Variants in SVEP1 observed in about 807,000 individuals in gnomAD.
The protein encoded by SVEP1 is sushi, von Willebrand factor type A, EGF and pentraxin domain-containing protein 1.
A neutral mutation model predicts 367.3 loss-of-function variants in SVEP1; 164 were observed. The ratio of observed to expected loss-of-function variants is 0.45; its 90% confidence interval spans 0.39 to 0.51. The LOEUF (loss-of-function observed/expected upper bound fraction) is 0.51. Among genes scored for constraint, SVEP1 ranks in the 20% least tolerant of loss-of-function variants. SVEP1 has a pLI of 0.00. For missense variants in SVEP1, 4,117 were observed against 4,425.3 expected, an observed-to-expected ratio of 0.93 and a Z score of 1.98; for synonymous variants, 1,666 against 1,611.6, an observed-to-expected ratio of 1.03 and a Z score of -0.81.
chr9:110,367,684 G>C (rs1827220111), intron 47 of SVEP1, among the ~76,000 whole-genome samples: 1 of 149,718 alleles, frequency 6.7e-6, no homozygotes, highest in African/African-American at 2.5e-5. Flanking sequence ...TTCATGCTTG[G>C]CCATTGAATC....
chr9:110,485,392 T>A (rs910656275), intron 9 of SVEP1, among the ~76,000 whole-genome samples: 1 of 151,702 alleles, frequency 6.6e-6, no homozygotes. Flanking sequence ...TGAGAACACA[T>A]GGAAACAGGG....
chr9:110,427,845 G>A, intron 35 of SVEP1, 87 bp from the exon 36 acceptor site: 3 of 1,444,942 alleles, frequency 2.1e-6, no homozygotes, highest in Middle Eastern at 1.8e-4. Flanking sequence ...AGAAAATAAG[G>A]GACATTTGAG....
chr9:110,536,313 CA>C (rs1378682882), intron 3 of SVEP1, among the ~76,000 whole-genome samples: 1 of 151,870 alleles, frequency 6.6e-6, no homozygotes, highest in Non-Finnish European at 1.5e-5. Context: ...TACTTGGTCA[CA>C]GTGAACTCTA....
intron 5 of SVEP1, among the ~76,000 whole-genome samples, chr9:110,503,692 A>AGCTACC (rs1829576264): frequency 6.6e-6 from 1 of 152,228 alleles, no homozygotes. Flanking sequence ...GCCTCTGCAA[A>AGCTACC]GCTACCCAAC....
chr9:110,515,924 G>A (rs1395501962), intron 3 of SVEP1, among the ~76,000 whole-genome samples: 1 of 151,802 alleles, frequency 6.6e-6, no homozygotes, highest in African/African-American at 2.4e-5. Flanking sequence ...ATTTGCAGAT[G>A]GGAAGACAAA....
chr9:110,579,138 G>T lies in SVEP1; in HGVS notation c.406C>A (p.Arg136Ser). Residue 136 changes from arginine to serine, a missense_variant, in exon 1 of 48, where the codon CGC becomes AGC. Transcript: ENST00000374469. This position sits in a 1 kb window ranked among gnomAD's most constrained non-coding sequence, Gnocchi z 5.3. ...TFSSKNYVVPRVDYISTRRAR... is the reference protein window; with the variant it reads ...TFSSKNYVVPSVDYISTRRAR... ...CGGCGGGTGGAGATGTAATCGACGC[G>T]CGGCACCACGTAGTTCTTGGACGAG... 1 of 1,556,400 alleles carries T rather than the reference G, an allele frequency of 6.4e-7. No homozygotes were observed. Among genetic ancestry groups the T allele is most frequent in the Non-Finnish European group, 8.7e-7 (1 of 1,150,612 alleles).
chr9:110,517,981 T>C (rs1472935827), intron 3 of SVEP1, among the ~76,000 whole-genome samples: 1 of 152,070 alleles, frequency 6.6e-6, no homozygotes, highest in African/African-American at 2.4e-5. Context: ...ATATTTAATA[T>C]ATGAGACTTG....
rs146355076 is a variant in SVEP1, at chr9:110,542,359, C to T, written c.964+3756G>A. 4.7e-4 allele frequency among the ~76,000 whole-genome samples: 71 copies of T among 152,266 alleles called. No homozygotes were observed. The Middle Eastern group carries it at 0.01, about 22-fold the overall frequency. On this transcript the variant is annotated intron_variant, in intron 3 of 47. Coordinates refer to ENST00000374469, the MANE Select transcript of SVEP1 (RefSeq NM_153366.4). ...GAATGAGGGGTTTAGAGCAGATAATCTCTAGGGTTACTTCTGGATCTAAAA... is the reference window on the plus strand; with the variant it reads ...GAATGAGGGGTTTAGAGCAGATAATTTCTAGGGTTACTTCTGGATCTAAAA...
At chr9:110,397,954 G>A (rs529006833) in intron 40 of SVEP1, among the ~76,000 whole-genome samples, 1 of 149,812 alleles carries the variant, frequency 6.7e-6, no homozygotes, top group African/African-American at 2.4e-5. Context: ...TCCCCATCGA[G>A]CAACCAATGA....
At chr9:110,444,153 A>G (rs1828555767) in intron 26 of SVEP1, among the ~76,000 whole-genome samples, 1 of 152,222 alleles carries the variant, frequency 6.6e-6, no homozygotes, top group Admixed American at 6.5e-5. Context: ...TACTTCATCA[A>G]ACAAACAATT....
chr9:110,527,581 T>C (rs1564167921), intron 3 of SVEP1, among the ~76,000 whole-genome samples: 1 of 152,100 alleles, frequency 6.6e-6, no homozygotes, highest in Non-Finnish European at 1.5e-5. Flanking sequence ...TTGCCAATAC[T>C]ATGGCTCAGA....
At chr9:110,482,313 C>T in intron 11 of SVEP1, 48 bp downstream of exon 11, 1 of 1,587,292 alleles carries the variant, frequency 6.3e-7, no homozygotes, top group Non-Finnish European at 8.6e-7. Context: ...ATAGCAATGA[C>T]ATGTGTCAAA....
chr9:110,423,139 A>AAAAAAAAT (rs1439451038), intron 36 of SVEP1, among the ~76,000 whole-genome samples: 1 of 141,786 alleles, frequency 7.1e-6, no homozygotes, highest in Non-Finnish European at 1.5e-5. Flanking sequence ...ATAATAATAA[A>AAAAAAAAT]AAAAAAATAA....
At chr9:110,378,228 T>G (rs1827382522) in intron 44 of SVEP1, among the ~76,000 whole-genome samples, 1 of 152,208 alleles carries the variant, frequency 6.6e-6, no homozygotes. Context: ...ATTCTGACTT[T>G]AGACTTTAAG....
rs757218433 is a variant in SVEP1, at chr9:110,407,789, G to A, written c.7811C>T (p.Ser2604Phe). 45 of 1,613,862 alleles carry A rather than the reference G, an allele frequency of 2.8e-5. No homozygotes were observed. Among genetic ancestry groups the A allele is most frequent in the African/African-American group, 5.3e-5 (4 of 74,928 alleles). ...GTCTATTGGCATACATGTTGGGATG[G>A]AACTTGACCATCCTGACTCTTCACA... ...QTCEESGWSS[S>F]IPTCMPIDCG... Residue 2604 changes from serine to phenylalanine, a missense_variant, in exon 38 of 48, where the codon TCC becomes TTC. Ser to Phe is a radical substitution (Grantham distance 155, BLOSUM62 -2). Around this residue, in one of 4 missense-constraint regions of SVEP1, gnomAD observed 1,765 missense variants for 1,781.1 expected, o/e 0.99. Coordinates refer to ENST00000374469, the MANE Select transcript of SVEP1 (RefSeq NM_153366.4).
intron 1 of SVEP1, among the ~76,000 whole-genome samples, chr9:110,558,657 T>C (rs532169146): frequency 1.3e-5 from 2 of 152,018 alleles, no homozygotes; most frequent in South Asian, 2.1e-4. Context: ...AGAGAGGAAT[T>C]TGATAAGAAA....
chr9:110,390,657 AAGAGCAGCAATTTGTCAGTGATTCTC>A (rs1225995819), intron 40 of SVEP1, among the ~76,000 whole-genome samples: 1 of 151,996 alleles, frequency 6.6e-6, no homozygotes, highest in African/African-American at 2.4e-5. Flanking sequence ...CACTGATTAT[AAGAGCAGCAATTTGTCAGTGATTCTC>A]AGTCCTGGCT....
At chr9:110,476,336 G>C in intron 13 of SVEP1, 21 bp from the exon 14 acceptor site, 1 of 1,563,958 alleles carries the variant, frequency 6.4e-7, no homozygotes, top group Admixed American at 1.7e-5. Context: ...AAAATGAAGA[G>C]GATAAAGTGT....
intron 27 of SVEP1, among the ~76,000 whole-genome samples, chr9:110,439,702 T>A (rs1221117937): frequency 6.6e-6 from 1 of 152,000 alleles, no homozygotes; most frequent in Admixed American, 6.6e-5. Flanking sequence ...GCCCGGCCAA[T>A]GTTGGTTATT....
Sources: gnomAD v4.1 joint callset for allele counts (sites outside exome capture counted in the v4.1 genomes callset) on GRCh38, gnomAD v4.1.1 for gene constraint, gnomAD v4.1.1 regional missense constraint, Gnocchi (gnomAD v3.1) non-coding constraint, MANE v1.5 for transcripts, NCBI Gene and HGNC (gene_info 2026-07-23, HGNC 2026-07-21) for gene names.